MMP26: variants seen among roughly 807,000 people sequenced by gnomAD.
The protein encoded by MMP26 is matrix metallopeptidase 26.
Under a neutral mutation model 31.0 loss-of-function variants are expected in MMP26, and 33 were observed. That is an observed-to-expected ratio of 1.06 (90% CI 0.81 to 1.42). The LOEUF (loss-of-function observed/expected upper bound fraction) is 1.42, where lower values mean the gene tolerates loss of function less well. Ranked by LOEUF, MMP26 falls within the 40% of genes most tolerant of loss-of-function variation. The pLI is 0.00. For synonymous variants in MMP26, 122 were observed against 114.9 expected, an observed-to-expected ratio of 1.06 and a Z score of -0.40; for missense variants, 347 against 316.1, an observed-to-expected ratio of 1.10 and a Z score of -0.74.
chr11:4,859,668 G>T (rs538604208), intron 2 of MMP26: 10 of 466,456 alleles, frequency 2.1e-5, no homozygotes, highest in African/African-American at 1.2e-4. Flanking sequence ...AAATTTGCTT[G>T]GTCTTCACAC....
intron 2 of MMP26, chr11:4,821,499 G>A (rs374083836): frequency 8.1e-6 from 13 of 1,612,250 alleles, no homozygotes; most frequent in African/African-American, 2.7e-5. Context: ...AAGCCACCCA[G>A]TACTGGATCT....
intron 1 of MMP26, among the ~76,000 whole-genome samples, chr11:4,729,288 A>T (rs1162412196): frequency 2.0e-5 from 3 of 152,124 alleles, no homozygotes; most frequent in Non-Finnish European, 4.4e-5. Context: ...TGTGATGGAG[A>T]ATCCTGACAG....
chr11:4,861,796 G>A (rs1183158547), intron 2 of MMP26, among the ~76,000 whole-genome samples: 1 of 151,936 alleles, frequency 6.6e-6, no homozygotes, highest in African/African-American at 2.4e-5. Flanking sequence ...TCTTCATTTG[G>A]CAGTTAGAAT....
At chr11:4,768,853 A>G (rs1012109349) in intron 2 of MMP26, 10 of 508,912 alleles carry the variant, frequency 2.0e-5, no homozygotes, top group Non-Finnish European at 3.4e-5. Flanking sequence ...CAACATATTT[A>G]CTATTTGTTT....
At position 4,731,905 on chromosome 11, in the gene MMP26, G is replaced by C. The variant is rs1308617443; in HGVS notation, c.-217+26860G>C. Among the ~76,000 whole-genome samples the C allele has an allele frequency of 2.6e-5, 4 of 152,168 alleles. No homozygotes were observed. The East Asian group carries it at 7.7e-4, about 29-fold the overall frequency. ...GGATAAGATATCCTGTCATCGGGAG[G>C]CATGGTAGACTATTAGCTCTTTATC... On this transcript the variant is annotated intron_variant, in intron 1 of 7. Transcript: ENST00000380390.
chr11:4,872,261 T>C (rs1850320713), intron 2 of MMP26, among the ~76,000 whole-genome samples: 1 of 152,136 alleles, frequency 6.6e-6, no homozygotes, highest in Non-Finnish European at 1.5e-5. Context: ...CTATCTAAGA[T>C]AACACACAAG....
intron 2 of MMP26, among the ~76,000 whole-genome samples, chr11:4,971,482 G>A (rs866479342): frequency 6.6e-6 from 1 of 152,172 alleles, no homozygotes; most frequent in African/African-American, 2.4e-5. Context: ...TTAACAGAGA[G>A]TAACGTGATA....
At chr11:4,940,198 G>C (rs573565350) in intron 2 of MMP26, among the ~76,000 whole-genome samples, 53 of 152,146 alleles carry the variant, frequency 3.5e-4, no homozygotes, top group African/African-American at 1.2e-3. Flanking sequence ...CAAAATCTTA[G>C]AGAGGTGCAG....
At chr11:4,779,492 A>G (rs1848830896) in intron 2 of MMP26, among the ~76,000 whole-genome samples, 3 of 152,186 alleles carry the variant, frequency 2.0e-5, no homozygotes, top group South Asian at 4.1e-4. Flanking sequence ...GACTCACAAA[A>G]TAAGTTGGGA....
intron 1 of MMP26, among the ~76,000 whole-genome samples, chr11:4,761,103 G>A (rs1481715277): frequency 1.3e-5 from 2 of 152,164 alleles, no homozygotes; most frequent in African/African-American, 2.4e-5. Flanking sequence ...AAGGGTAAGC[G>A]GGGAGAGCCT....
intron 2 of MMP26, among the ~76,000 whole-genome samples, chr11:4,771,670 G>A (rs1848722631): frequency 6.6e-6 from 1 of 152,162 alleles, no homozygotes; most frequent in Non-Finnish European, 1.5e-5. Context: ...AAAATTAGAT[G>A]TGTCAAATTC....
In MMP26 at chr11:4,827,844, A is replaced by C. The variant is rs529034377; in HGVS notation, c.-145+60503A>C. On this transcript the variant is annotated intron_variant, in intron 2 of 7. Transcript: ENST00000380390. ...AATTGTTTTTCTCCCTAAAAAAAAA[A>C]ACACAACACAACAAAGACAAACTTG... Among the ~76,000 whole-genome samples, 13 of 151,776 alleles carry C rather than the reference A, an allele frequency of 8.6e-5. No individual in the cohort carries two copies. In the East Asian group the frequency reaches 2.3e-3, roughly 27 times the overall value.
chr11:4,781,370 A>G (rs1848858321), intron 2 of MMP26, among the ~76,000 whole-genome samples: 1 of 72,046 alleles, frequency 1.4e-5, no homozygotes, highest in Non-Finnish European at 2.7e-5. Flanking sequence ...ACAAGGTGAA[A>G]CCCCGTCTCT....
chr11:4,819,630 G>A (rs991223503), intron 2 of MMP26, among the ~76,000 whole-genome samples: 1 of 118,838 alleles, frequency 8.4e-6, no homozygotes, highest in Non-Finnish European at 1.6e-5. Context: ...TCAGGCTGGA[G>A]TACAGTGACA....
At chr11:4,934,051 T>C (rs1233831914) in intron 2 of MMP26, among the ~76,000 whole-genome samples, 2 of 137,640 alleles carry the variant, frequency 1.5e-5, no homozygotes, top group South Asian at 5.1e-4. Context: ...CATGTGTCTT[T>C]ATAGCAGCAT....
intron 2 of MMP26, chr11:4,923,977 G>A: frequency 6.2e-7 from 1 of 1,614,148 alleles, no homozygotes; most frequent in Non-Finnish European, 8.5e-7. Context: ...AGCGGTCAAT[G>A]GACATGGATA....
rs58016783 is a variant in MMP26 at position 4,986,511 on chromosome 11, A to ATT, written c.-144-1521_-144-1520dup. Among the ~76,000 whole-genome samples, 33 of 31,636 alleles carry ATT rather than the reference A, an allele frequency of 1.0e-3. 3 individuals are homozygous for ATT. The highest frequency in any genetic ancestry group is 1.4e-3 in the East Asian group (1 of 738). 20.8% of individuals were successfully genotyped at this position (31,636 alleles called of 152,430 possible). On this transcript the variant is annotated intron_variant, in intron 2 of 7. Coordinates refer to ENST00000380390, the MANE Select transcript of MMP26 (RefSeq NM_021801.5). Reference sequence around the variant, plus strand: ...AAGTGAGCACCACCATGCCCAGTCGATTTTTTTTTTTTTTTTTTTTTTTTT... The same window carrying ATT: ...AAGTGAGCACCACCATGCCCAGTCGATTTTTTTTTTTTTTTTTTTTTTTTTTT...
At chr11:4,972,663 C>T (rs1406759200) in intron 2 of MMP26, among the ~76,000 whole-genome samples, 2 of 151,342 alleles carry the variant, frequency 1.3e-5, no homozygotes, top group East Asian at 1.9e-4. Context: ...TTAACATAGA[C>T]AATATTATTT....
chr11:4,980,204 G>T (rs1412546383), intron 2 of MMP26, among the ~76,000 whole-genome samples: 1 of 151,988 alleles, frequency 6.6e-6, no homozygotes, highest in Non-Finnish European at 1.5e-5. Flanking sequence ...ATCAGGGTCA[G>T]TTACCCTTGA....
Sources: allele counts gnomAD v4.1 joint callset (sites outside exome capture counted in the v4.1 genomes callset), GRCh38; gene constraint gnomAD v4.1.1; transcripts MANE v1.5; gene names NCBI Gene and HGNC (gene_info 2026-07-23, HGNC 2026-07-21).